Variants in GLCCI1 observed in about 807,000 individuals in gnomAD.
The protein encoded by GLCCI1 is glucocorticoid induced 1, also known as glucocorticoid-induced transcript 1 protein.
Under a neutral mutation model 52.2 loss-of-function variants are expected in GLCCI1, and 24 were observed. The ratio of observed to expected loss-of-function variants is 0.46; its 90% confidence interval spans 0.33 to 0.65. The LOEUF is 0.65. Ranked by LOEUF, GLCCI1 falls within the 30% of genes least tolerant of loss-of-function variation. The pLI is 0.02. For synonymous variants in GLCCI1, 310 were observed against 276.5 expected, an observed-to-expected ratio of 1.12 and a Z score of -1.20; for missense variants, 704 against 701.5, an observed-to-expected ratio of 1.00 and a Z score of -0.04.
In GLCCI1 at chr7:8,086,130, C is replaced by T. The variant is rs559166093; in HGVS notation, c.1299-63C>T. ...CTGTTTTAGAGAACTCCAGTTAATT[C>T]AGAAAATGCTTAACTTTTTCTGTGT... is the stretch of plus-strand genomic sequence containing the variant. On this transcript the variant is annotated intron_variant, in intron 7 of 7. Transcript: ENST00000223145. This position sits in a 1 kb window ranked among gnomAD's most constrained non-coding sequence, Gnocchi z 4.4. The T allele has an allele frequency of 4.3e-6, 6 of 1,403,760 alleles. No individual in the cohort carries two copies. In the African/African-American group the frequency reaches 7.2e-5, roughly 17 times the overall value. The allele number at this position is 1,403,760 out of a possible 1,614,324, so 87.0% of individuals were successfully genotyped here. A position where few individuals can be genotyped will look rare whatever the true frequency, so the allele number is the denominator to read the frequency against.
chr7:8,068,999 T>C (rs1782694227), intron 5 of GLCCI1, among the ~76,000 whole-genome samples: 1 of 152,220 alleles, frequency 6.6e-6, no homozygotes, highest in Non-Finnish European at 1.5e-5. Flanking sequence ...GTGGCTCTTC[T>C]GTATTTCCTC....
chr7:8,079,612 A>G (rs1782952185), intron 6 of GLCCI1, among the ~76,000 whole-genome samples: 1 of 151,742 alleles, frequency 6.6e-6, no homozygotes, highest in South Asian at 2.1e-4. Flanking sequence ...TGTTCTGCAT[A>G]TCAAGATTAT....
At chr7:7,974,489 T>A (rs1467890632) in intron 1 of GLCCI1, among the ~76,000 whole-genome samples, 1 of 152,118 alleles carries the variant, frequency 6.6e-6, no homozygotes. Context: ...TTAATGCAAA[T>A]TAGGATTTGT....
chr7:7,983,315 T>A (rs1036708552), intron 1 of GLCCI1, among the ~76,000 whole-genome samples: 4 of 152,312 alleles, frequency 2.6e-5, no homozygotes, highest in East Asian at 1.9e-4. Context: ...TTGTTCATTT[T>A]AAAATATTAT....
At chr7:8,020,095 T>G (rs2127947833) in intron 2 of GLCCI1, among the ~76,000 whole-genome samples, 1 of 152,372 alleles carries the variant, frequency 6.6e-6, no homozygotes, top group South Asian at 2.1e-4. Context: ...ACACTTAGCT[T>G]AAAACACAAA....
At chr7:8,013,050 C>T (rs973739199) in intron 2 of GLCCI1, among the ~76,000 whole-genome samples, 3 of 152,134 alleles carry the variant, frequency 2.0e-5, no homozygotes, top group Admixed American at 6.6e-5. Context: ...TGAATGGCCT[C>T]GACACCCTTA....
At chr7:8,063,601 TACC>T (rs1156612473) in intron 5 of GLCCI1, among the ~76,000 whole-genome samples, 5 of 150,780 alleles carry the variant, frequency 3.3e-5, no homozygotes, top group Non-Finnish European at 3.0e-5. Flanking sequence ...GTGATTTGCC[TACC>T]ACTTTTCTTC....
At position 7,969,738 on chromosome 7, in the gene GLCCI1, C is replaced by A. The variant is rs1334626142; in HGVS notation, c.388C>A (p.Arg130=). The change falls in exon 1 of 8, where the codon CGG becomes AGG. Residue 130 remains arginine (R), a synonymous_variant. Transcript: ENST00000223145. This position sits in a 1 kb window ranked among gnomAD's most constrained non-coding sequence, Gnocchi z 4.9. ...QAPRAKGRPR[R]SPESHRRSSS... Reference sequence around the variant, plus strand: ...GCCGCGGGCCAAGGGCCGCCCGAGACGGTCCCCAGAGAGCCACCGGAGGAG... The same window carrying A: ...GCCGCGGGCCAAGGGCCGCCCGAGAAGGTCCCCAGAGAGCCACCGGAGGAG... 2 of 1,453,594 alleles carry A rather than the reference C, an allele frequency of 1.4e-6. No homozygotes were observed. Among genetic ancestry groups the A allele is most frequent in the Middle Eastern group, 2.5e-4 (1 of 4,066 alleles). 90.0% of individuals were successfully genotyped at this position (1,453,594 alleles called of 1,614,324 possible).
chr7:8,053,339 G>GTTTGTTTT (rs1782307658), intron 3 of GLCCI1, among the ~76,000 whole-genome samples: 1 of 134,400 alleles, frequency 7.4e-6, no homozygotes, highest in African/African-American at 2.8e-5. Context: ...TTGTTTGTTT[G>GTTTGTTTT]TTTTGAGACA....
At chr7:8,016,497 T>C (rs928523481) in intron 2 of GLCCI1, among the ~76,000 whole-genome samples, 27 of 151,798 alleles carry the variant, frequency 1.8e-4, no homozygotes, top group African/African-American at 6.3e-4. Context: ...CCAATTAAGA[T>C]CATAGAGTTA....
chr7:7,979,108 G>A (rs1780554632), intron 1 of GLCCI1, among the ~76,000 whole-genome samples: 1 of 152,128 alleles, frequency 6.6e-6, no homozygotes, highest in Non-Finnish European at 1.5e-5. Context: ...GGCAAACATT[G>A]CTAAATGCAG....
chr7:8,080,912 G>T lies in GLCCI1; in HGVS notation c.1178-3985G>T, dbSNP rs531466894. On this transcript the variant is annotated intron_variant, in intron 6 of 7. Transcript: ENST00000223145. ...TGGTCTCGAACTCCTGGCCTCAAGT[G>T]ATCCTCCCGCCTCAGCCTCCCTAAA... Among the ~76,000 whole-genome samples, 20 of 148,568 alleles carry T rather than the reference G, an allele frequency of 1.3e-4. No homozygotes were observed. The South Asian group carries it at 4.1e-3, about 30-fold the overall frequency.
chr7:8,083,919 A>G (rs755957834), intron 6 of GLCCI1, among the ~76,000 whole-genome samples: 1 of 152,240 alleles, frequency 6.6e-6, no homozygotes, highest in Non-Finnish European at 1.5e-5. Flanking sequence ...AACTAAAGCA[A>G]CTTATCAAAA....
At chr7:8,008,114 A>C (rs906329755) in intron 2 of GLCCI1, among the ~76,000 whole-genome samples, 1 of 151,784 alleles carries the variant, frequency 6.6e-6, no homozygotes, top group African/African-American at 2.4e-5. Flanking sequence ...CTCTCTTAGC[A>C]ATTTTCAAGT....
rs774566628 is a variant in GLCCI1, at chr7:8,055,502, C to G, written c.766C>G (p.Arg256Gly). 1.2e-6 allele frequency: 2 copies of G among 1,613,664 alleles called. No individual in the cohort carries two copies. The highest frequency in any genetic ancestry group is 1.7e-5 in the Admixed American group (1 of 59,998). Residue 256 changes from arginine (R) to glycine (G), a missense_variant, in exon 4 of 8, where the codon CGC becomes GGC. This residue lies in a region of GLCCI1 where 547 missense variants were observed against 524.8 expected (regional missense o/e 1.04). Coordinates refer to ENST00000223145, the MANE Select transcript of GLCCI1 (RefSeq NM_138426.4). Reference sequence around the variant, plus strand: ...TAGTCGTCACAGTAAGGAGAAAGATCGCCAGTCACCTCTTCATGGCAACCA... The same window carrying G: ...TAGTCGTCACAGTAAGGAGAAAGATGGCCAGTCACCTCTTCATGGCAACCA... ...QSSRHSKEKD[R>G]QSPLHGNHIT...
In GLCCI1 at chr7:8,022,485, A is replaced by G. The variant is rs1177430097; in HGVS notation, c.612A>G (p.Thr204=). The G allele has an allele frequency of 6.4e-7, 1 of 1,552,606 alleles. No individual in the cohort carries two copies. Among genetic ancestry groups the G allele is most frequent in the Admixed American group, 1.8e-5 (1 of 55,978 alleles). The part of the protein sequence containing the change: ...PSCMKDKATQ[T]PSCWAEEGAE... ...ATTTATATATATATTTTTTAAAGAC[A>G]CCTAGCTGTTGGGCAGAAGAGGGTG... The change falls in exon 3 of 8, where the codon ACA becomes ACG. Residue 204 remains threonine (T), a splice_region_variant and synonymous_variant. Transcript: ENST00000223145.
intron 3 of GLCCI1, among the ~76,000 whole-genome samples, chr7:8,033,847 T>G (rs903265379): frequency 1.2e-4 from 19 of 152,184 alleles, no homozygotes; most frequent in African/African-American, 4.3e-4. Flanking sequence ...ATGCAATTTC[T>G]ATGAAAATAC....
Position 7,969,827 on chromosome 7 carries a change from C to T in GLCCI1, c.457+20C>T. The T allele has an allele frequency of 1.4e-6, 2 of 1,425,452 alleles. 1 individual carries two copies. Among genetic ancestry groups the T allele is most frequent in the South Asian group, 2.6e-5 (2 of 76,484 alleles). The allele number at this position is 1,425,452 out of a possible 1,614,324, so 88.3% of individuals were successfully genotyped here. On this transcript the variant is annotated intron_variant, in intron 1 of 7. Transcript: ENST00000223145. This position sits in a 1 kb window ranked among gnomAD's most constrained non-coding sequence, Gnocchi z 4.9. ...GCAGAGGTAGCGAGCCCAACCCTCC[C>T]GTCCTCCCGGGCTGCGTCTCCCCGA...
chr7:8,065,057 A>G (rs1338611663), intron 5 of GLCCI1, among the ~76,000 whole-genome samples: 1 of 152,020 alleles, frequency 6.6e-6, no homozygotes, highest in Non-Finnish European at 1.5e-5. Context: ...CCTATTCATG[A>G]GCATGGAATG....
Sources: gnomAD v4.1 joint callset for allele counts (sites outside exome capture counted in the v4.1 genomes callset) on GRCh38, gnomAD v4.1.1 for gene constraint, gnomAD v4.1.1 regional missense constraint, Gnocchi (gnomAD v3.1) non-coding constraint, MANE v1.5 for transcripts, NCBI Gene and HGNC (gene_info 2026-07-23, HGNC 2026-07-21) for gene names.